HK1: variants seen among roughly 807,000 people sequenced by gnomAD.
HK1 encodes hexokinase 1.
HK1 carries 28 observed loss-of-function variants against 91.6 expected under a neutral mutation model. That is an observed-to-expected ratio of 0.31 (90% CI 0.23 to 0.42). The LOEUF (loss-of-function observed/expected upper bound fraction) is 0.42. Ranked by LOEUF, HK1 falls within the 10% of genes least tolerant of loss-of-function variation. The probability of loss-of-function intolerance (pLI) is 1.00; values close to 1 mark genes in which losing one functional copy is unlikely to be tolerated. For synonymous variants in HK1, 430 were observed against 468.1 expected, an observed-to-expected ratio of 0.92 and a Z score of 1.05; for missense variants, 770 against 1,219.8, an observed-to-expected ratio of 0.63 and a Z score of 5.49.
At position 69,318,915 on chromosome 10, in the gene HK1, C is replaced by T. The variant is rs753861795; in HGVS notation, c.-33C>T. On this transcript the variant is annotated 5_prime_UTR_variant, in exon 1 of 18. Transcript: ENST00000359426. ...AGGGCTGCGGAGGACCGACCGTCCC[C>T]ACGCCTGCCGCCCCGCGACCCCGAC... 7.0e-6 allele frequency: 11 copies of T among 1,565,054 alleles called. No individual in the cohort carries two copies. The African/African-American group carries it at 1.5e-4, about 21-fold the overall frequency.
intron 5 of HK1, among the ~76,000 whole-genome samples, chr10:69,308,801 C>A (rs1158173653): frequency 6.6e-6 from 1 of 152,142 alleles, no homozygotes; most frequent in East Asian, 1.9e-4. Flanking sequence ...AGTGCACAAT[C>A]CAGATCCTTT....
At chr10:69,348,229 G>A (rs1327045632) in intron 2 of HK1, among the ~76,000 whole-genome samples, 1 of 152,170 alleles carries the variant, frequency 6.6e-6, no homozygotes, top group Non-Finnish European at 1.5e-5. Flanking sequence ...TAGAAGCTTG[G>A]ATGTGCCATT....
chr10:69,359,452 T>C (rs7079157), intron 2 of HK1, among the ~76,000 whole-genome samples: 33,734 of 152,090 alleles, frequency 0.22, 3,921 homozygotes, highest in African/African-American at 0.25. Context: ...CTGGAATAAT[T>C]GATGTCAGAG....
In HK1 at chr10:69,392,414, C is replaced by G. The variant is rs1839935761; in HGVS notation, c.2219+106C>G. On this transcript the variant is annotated intron_variant, in intron 15 of 17. Coordinates refer to ENST00000359426, the MANE Select transcript of HK1 (RefSeq NM_000188.3). ...AAGTTTCTAGGAGGAGAGGTCTGAA[C>G]AGAGGTTTCAAGACTGGACCCCCTG... 8.9e-6 allele frequency: 11 copies of G among 1,236,788 alleles called. No homozygotes were observed. In the South Asian group the frequency reaches 1.3e-4, roughly 14 times the overall value. The allele number at this position is 1,236,788 out of a possible 1,614,324, so 76.6% of individuals were successfully genotyped here. A position where few individuals can be genotyped will look rare whatever the true frequency, so the allele number is the denominator to read the frequency against.
At chr10:69,310,050 C>CA (rs1244654396) in intron 5 of HK1, among the ~76,000 whole-genome samples, 71 of 115,604 alleles carry the variant, frequency 6.1e-4, no homozygotes, top group East Asian at 3.5e-3. Flanking sequence ...AACTCCATCT[C>CA]ATAAAAAAAA....
At chr10:69,324,320 G>A (rs1482124531) in intron 1 of HK1, among the ~76,000 whole-genome samples, 1 of 152,206 alleles carries the variant, frequency 6.6e-6, no homozygotes, top group African/African-American at 2.4e-5. Context: ...GCCGGGCGTG[G>A]TGGCTCATGC....
chr10:69,321,498 C>T (rs1196472310), intron 1 of HK1, among the ~76,000 whole-genome samples: 2 of 152,218 alleles, frequency 1.3e-5, no homozygotes, highest in African/African-American at 2.4e-5. Flanking sequence ...GGTTCCCCCC[C>T]AGCGTGGGCA....
chr10:69,392,379 G>T, intron 15 of HK1, 71 bp downstream of exon 15: 1 of 1,515,720 alleles, frequency 6.6e-7, no homozygotes, highest in Non-Finnish European at 9.2e-7. Context: ...TCTGCCACTT[G>T]CAGTGGAAGA....
chr10:69,350,156 G>T (rs186532214), intron 2 of HK1, among the ~76,000 whole-genome samples: 1 of 152,282 alleles, frequency 6.6e-6, no homozygotes, highest in Admixed American at 6.5e-5. Flanking sequence ...GGCTTACTTG[G>T]GTTATGTGCC....
chr10:69,353,717 C>T (rs909580680), intron 2 of HK1, among the ~76,000 whole-genome samples: 17 of 152,086 alleles, frequency 1.1e-4, no homozygotes, highest in Non-Finnish European at 8.8e-5. Context: ...GGTGGCACAT[C>T]TGGAGGGGGC....
chr10:69,295,173 G>A (rs745790109), intron 3 of HK1, among the ~76,000 whole-genome samples: 23 of 152,170 alleles, frequency 1.5e-4, no homozygotes, highest in Non-Finnish European at 3.2e-4. Context: ...GGGAAGCATT[G>A]CATCTTCAGG....
At chr10:69,299,100 C>T (rs777367461) in intron 4 of HK1, among the ~76,000 whole-genome samples, 11 of 151,538 alleles carry the variant, frequency 7.3e-5, no homozygotes, top group South Asian at 2.1e-4. Context: ...CCACCATGCC[C>T]GACCTATGTT....
chr10:69,280,168 C>A (rs1173329351), intron 1 of HK1, among the ~76,000 whole-genome samples: 1 of 151,952 alleles, frequency 6.6e-6, no homozygotes, highest in Non-Finnish European at 1.5e-5. Flanking sequence ...GTCACCCAGG[C>A]TGGAGAGATC....
chr10:69,384,218 TCTC>T (rs1839524266), intron 10 of HK1, 112 bp from the exon 11 acceptor site: 1 of 1,244,580 alleles, frequency 8.0e-7, no homozygotes, highest in Non-Finnish European at 1.2e-6. Flanking sequence ...AGTTGCAGCT[TCTC>T]CTCTATGTTT....
rs11421011 is a variant in HK1 at position 69,323,520 on chromosome 10, C to CAA, written c.63+4528_63+4529dup. Among the ~76,000 whole-genome samples the CAA allele has an allele frequency of 7.3e-3, 692 of 94,848 alleles. 9 individuals are homozygous for CAA. The highest frequency in any genetic ancestry group is 0.028 in the South Asian group (73 of 2,598). The allele number at this position is 94,848 out of a possible 152,430, so 62.2% of individuals were successfully genotyped here. A position where few individuals can be genotyped will look rare whatever the true frequency, so the allele number is the denominator to read the frequency against. On this transcript the variant is annotated intron_variant, in intron 1 of 17. Transcript: ENST00000359426. ...TGGATGATAGAGCGAGACTCTGTCT[C>CAA]AAAAAAAAAAAAAAAAAAAGAAGAA...
At chr10:69,384,520 A>T in intron 11 of HK1, 39 bp downstream of exon 11, 1 of 1,612,482 alleles carries the variant, frequency 6.2e-7, no homozygotes, top group Non-Finnish European at 8.5e-7. Flanking sequence ...CACTGCACAC[A>T]CGGCCAGTGG....
chr10:69,368,703 C>T, intron 5 of HK1, 72 bp downstream of exon 5: 2 of 1,194,802 alleles, frequency 1.7e-6, no homozygotes, highest in Non-Finnish European at 1.2e-6. Flanking sequence ...TAAAACAGAC[C>T]AGTGCCCTTC....
At chr10:69,350,936 C>T (rs143281456) in intron 2 of HK1, among the ~76,000 whole-genome samples, 19,234 of 148,650 alleles carry the variant, frequency 0.13, 1,346 homozygotes, top group South Asian at 0.26. Flanking sequence ...TTTGGGAGGC[C>T]AAGGCAGGCG....
chr10:69,346,679 A>AT (rs1031301448), intron 2 of HK1, among the ~76,000 whole-genome samples: 2 of 151,182 alleles, frequency 1.3e-5, no homozygotes, highest in Admixed American at 6.6e-5. Flanking sequence ...TTTTATTTTT[A>AT]TTTTTTAGTT....
Sources: allele counts gnomAD v4.1 joint callset (sites outside exome capture counted in the v4.1 genomes callset), GRCh38; gene constraint gnomAD v4.1.1; transcripts MANE v1.5; gene names NCBI Gene and HGNC (gene_info 2026-07-23, HGNC 2026-07-21).